The following PCDHA10 variants were observed in gnomAD, a reference collection of about 807,000 sequenced individuals.
PCDHA10 encodes protocadherin alpha-10.
In PCDHA10, 45 loss-of-function variants were observed where a neutral mutation model predicts 61.2. That is an observed-to-expected ratio of 0.74 (90% CI 0.58 to 0.94). The LOEUF is 0.94. Ranked by LOEUF, PCDHA10 falls within the 40% of genes least tolerant of loss-of-function variation. PCDHA10 has a pLI of 0.00. For missense variants in PCDHA10, 1,278 were observed against 1,236.2 expected (o/e 1.03, Z -0.51); for synonymous variants, 602 against 548.8 (o/e 1.10, Z -1.35).
rs781950915 is a variant in PCDHA10 at position 140,855,998 on chromosome 5, G to A, written c.-51G>A. On this transcript the variant is annotated 5_prime_UTR_variant, in exon 1 of 4. The change creates a new upstream start codon in the 5' untranslated region. Coordinates refer to ENST00000307360, the MANE Select transcript of PCDHA10 (RefSeq NM_018901.4). ...TAGGACAGAAAATGTCAGATCGTAT[G>A]TGCGTTCTAGACCGCTGATTCGTCG... 3.7e-5 allele frequency: 56 copies of A among 1,511,288 alleles called. 3 individuals are homozygous for A. Among genetic ancestry groups the A allele is most frequent in the Non-Finnish European group, 4.9e-5 (55 of 1,120,558 alleles). 93.6% of individuals were successfully genotyped at this position (1,511,288 alleles called of 1,614,324 possible). A position where few individuals can be genotyped will look rare whatever the true frequency, so the allele number is the denominator to read the frequency against.
rs782071598 is a variant in PCDHA10 at position 140,883,785 on chromosome 5, G to C, written c.2388+25349G>C. On this transcript the variant is annotated intron_variant, in intron 1 of 3. Coordinates refer to ENST00000307360, the MANE Select transcript of PCDHA10 (RefSeq NM_018901.4). ...CGGGTGGGCGAGCGTGCGCTGTCGA[G>C]CTACGTGTCGGTGCACGCGGAGAGC... The C allele has an allele frequency of 1.3e-5, 21 of 1,612,402 alleles. No individual in the cohort carries two copies. In the East Asian group the frequency reaches 4.0e-4, roughly 31 times the overall value.
chr5:140,877,917 T>G (rs2057395668), intron 1 of PCDHA10: 2 of 1,427,712 alleles, frequency 1.4e-6, no homozygotes, highest in Admixed American at 2.9e-5. Context: ...TTCTCTCATT[T>G]TTCTTTATGA....
chr5:141,004,402 A>T (rs2098165262), intron 3 of PCDHA10, among the ~76,000 whole-genome samples: 1 of 152,188 alleles, frequency 6.6e-6, no homozygotes, highest in African/African-American at 2.4e-5. Context: ...TGGAGGAGGC[A>T]CCTGACTAGA....
intron 1 of PCDHA10, chr5:140,876,965 G>C (rs1554169161): frequency 1.9e-6 from 3 of 1,612,976 alleles, no homozygotes; most frequent in East Asian, 2.2e-5. Flanking sequence ...GTGGAGCGGC[G>C]GGTGGGCGAG....
intron 1 of PCDHA10, among the ~76,000 whole-genome samples, chr5:140,943,373 A>G (rs1554215633): frequency 6.6e-6 from 1 of 152,128 alleles, no homozygotes; most frequent in East Asian, 1.9e-4. Flanking sequence ...TCATTAAAAT[A>G]TACAGGTAAG....
intron 1 of PCDHA10, among the ~76,000 whole-genome samples, chr5:140,971,300 A>T (rs555201828): frequency 2.0e-5 from 3 of 152,380 alleles, no homozygotes; most frequent in African/African-American, 7.2e-5. Flanking sequence ...ACTTTGGTAC[A>T]CAAACATTTA....
At chr5:140,895,904 C>CG (rs2065248350) in intron 1 of PCDHA10, among the ~76,000 whole-genome samples, 2 of 152,138 alleles carry the variant, frequency 1.3e-5, no homozygotes, top group Non-Finnish European at 2.9e-5. Flanking sequence ...CTCCGCGTCC[C>CG]GGGCTCAACA....
intron 1 of PCDHA10, among the ~76,000 whole-genome samples, chr5:140,920,717 G>A (rs1042476401): frequency 1.3e-5 from 2 of 152,044 alleles, no homozygotes; most frequent in African/African-American, 2.4e-5. Flanking sequence ...GGTGGTGTGC[G>A]CCTGCAGTCC....
In PCDHA10 at chr5:140,857,076, A is replaced by C. The variant is rs782010117; in HGVS notation, c.1028A>C (p.Asn343Thr). The change falls in exon 1 of 4, where the codon AAT (asparagine) becomes ACT (threonine). Residue 343 changes from asparagine to threonine, a missense_variant. Coordinates refer to ENST00000307360, the MANE Select transcript of PCDHA10 (RefSeq NM_018901.4). Reference sequence around the variant, plus strand: ...GTCCTAGTGGAACTACTGGATGAAAATGATAATTCACCTGAGGTGATTGTC... The same window carrying C: ...GTCCTAGTGGAACTACTGGATGAAACTGATAATTCACCTGAGGTGATTGTC... ...CTVLVELLDENDNSPEVIVTS... is the reference protein window; with the variant it reads ...CTVLVELLDETDNSPEVIVTS... 1 of 1,596,990 alleles carries C rather than the reference A, an allele frequency of 6.3e-7. No individual in the cohort carries two copies. Among genetic ancestry groups the C allele is most frequent in the Admixed American group, 1.7e-5 (1 of 59,260 alleles).
intron 3 of PCDHA10, among the ~76,000 whole-genome samples, chr5:140,989,936 C>T (rs564429410): frequency 1.3e-5 from 2 of 152,104 alleles, no homozygotes; most frequent in Non-Finnish European, 2.9e-5. Flanking sequence ...AGATGACATT[C>T]CACGTTTTTC....
intron 3 of PCDHA10, among the ~76,000 whole-genome samples, chr5:140,999,635 A>C (rs2097866612): frequency 6.6e-6 from 1 of 152,192 alleles, no homozygotes; most frequent in Non-Finnish European, 1.5e-5. Flanking sequence ...AAGGTAGAGA[A>C]AACTGTGCAG....
At chr5:140,928,123 T>C in intron 1 of PCDHA10, 1 of 1,614,200 alleles carries the variant, frequency 6.2e-7, no homozygotes, top group Non-Finnish European at 8.5e-7. Context: ...GATCAGTGAA[T>C]ACCAAGTCCT....
intron 1 of PCDHA10, among the ~76,000 whole-genome samples, chr5:140,923,640 T>G (rs2081459480): frequency 6.6e-6 from 1 of 152,234 alleles, no homozygotes; most frequent in African/African-American, 2.4e-5. Flanking sequence ...GCAAAAATCT[T>G]TAGCCTCCCT....
intron 1 of PCDHA10, among the ~76,000 whole-genome samples, chr5:140,904,640 C>T (rs1484010152): frequency 6.6e-6 from 1 of 152,046 alleles, no homozygotes; most frequent in Non-Finnish European, 1.5e-5. Flanking sequence ...GGAATCTCCA[C>T]ACTGTTTTCC....
intron 1 of PCDHA10, chr5:140,969,096 A>T: frequency 6.2e-7 from 1 of 1,614,162 alleles, no homozygotes; most frequent in Non-Finnish European, 8.5e-7. Flanking sequence ...GTGCAGCCTC[A>T]CTTCATTGAA....
intron 1 of PCDHA10, chr5:140,862,291 C>A (rs1029513176): frequency 7.5e-6 from 2 of 265,238 alleles, no homozygotes; most frequent in Admixed American, 4.8e-5. Flanking sequence ...TACAGGAGGA[C>A]GCTCCACTGG....
chr5:141,000,345 C>A (rs1395527046), intron 3 of PCDHA10, among the ~76,000 whole-genome samples: 7 of 116,650 alleles, frequency 6.0e-5, no homozygotes, highest in African/African-American at 2.4e-4. Context: ...CCCTATCTCT[C>A]TCTCTGTCTC....
intron 1 of PCDHA10, among the ~76,000 whole-genome samples, chr5:140,911,657 ACTC>A (rs782570659): frequency 1.1e-4 from 16 of 151,986 alleles, no homozygotes; most frequent in Non-Finnish European, 1.6e-4. Flanking sequence ...GAGTTACTAA[ACTC>A]CTTGCCTCTC....
At chr5:140,883,682 T>G (rs2059750474) in intron 1 of PCDHA10, 1 of 1,613,604 alleles carries the variant, frequency 6.2e-7, no homozygotes. Context: ...TCCGCCGGGC[T>G]GCCACATCTT....
Sources: allele counts gnomAD v4.1 joint callset (sites outside exome capture counted in the v4.1 genomes callset), GRCh38; gene constraint gnomAD v4.1.1; transcripts MANE v1.5; gene names NCBI Gene and HGNC (gene_info 2026-07-23, HGNC 2026-07-21).